The following ANKS1B variants were observed in gnomAD, a reference collection of about 807,000 sequenced individuals.
The protein encoded by ANKS1B is ankyrin repeat and sterile alpha motif domain-containing protein 1B.
ANKS1B carries 36 observed loss-of-function variants against 148.3 expected under a neutral mutation model. The ratio of observed to expected loss-of-function variants is 0.24; its 90% CI spans 0.19 to 0.32. The LOEUF is 0.32. ANKS1B is among the 10% of genes least tolerant of loss of function. The pLI is 1.00. For missense variants in ANKS1B, 1,157 were observed against 1,542.6 expected (o/e 0.75, Z 4.19); for synonymous variants, 542 against 560.8 (o/e 0.97, Z 0.47).
chr12:99,839,508 C>T (rs1455565275), intron 1 of ANKS1B, among the ~76,000 whole-genome samples: 1 of 152,092 alleles, frequency 6.6e-6, no homozygotes, highest in Admixed American at 6.6e-5. Flanking sequence ...ACGCAATCCA[C>T]AGAAGGTACT....
chr12:99,377,639 G>T (rs559418052), intron 12 of ANKS1B, among the ~76,000 whole-genome samples: 1 of 152,270 alleles, frequency 6.6e-6, no homozygotes, highest in South Asian at 2.1e-4. Flanking sequence ...TTAGACAAAA[G>T]CAAATTTTTA....
chr12:99,293,634 TC>T (rs899107904), intron 12 of ANKS1B, among the ~76,000 whole-genome samples: 6 of 152,172 alleles, frequency 3.9e-5, no homozygotes, highest in Admixed American at 3.3e-4. Context: ...TTGAGTAATA[TC>T]CCATGTGCAC....
At chr12:99,854,112 C>T (rs1446016164) in intron 1 of ANKS1B, among the ~76,000 whole-genome samples, 2 of 152,126 alleles carry the variant, frequency 1.3e-5, no homozygotes, top group Non-Finnish European at 2.9e-5. Context: ...CCTGGGTTCA[C>T]GCCATTCTCC....
intron 12 of ANKS1B, among the ~76,000 whole-genome samples, chr12:99,349,077 A>C (rs185199894): frequency 1.3e-5 from 2 of 152,046 alleles, no homozygotes; most frequent in East Asian, 3.9e-4. Context: ...AGAGTTTTAT[A>C]TACTATTGAA....
At chr12:99,421,361 G>T (rs779276564) in intron 11 of ANKS1B, among the ~76,000 whole-genome samples, 12 of 152,142 alleles carry the variant, frequency 7.9e-5, no homozygotes, top group Non-Finnish European at 1.6e-4. Flanking sequence ...TTTTATCAGT[G>T]TTTAAGAGAG....
intron 8 of ANKS1B, among the ~76,000 whole-genome samples, chr12:99,763,355 G>A (rs924888027): frequency 6.6e-6 from 1 of 152,262 alleles, no homozygotes; most frequent in Non-Finnish European, 1.5e-5. Flanking sequence ...ATGGATGCAG[G>A]TGGAGGCCAT....
intron 8 of ANKS1B, among the ~76,000 whole-genome samples, chr12:99,718,291 C>A (rs1475340347): frequency 6.6e-6 from 1 of 152,172 alleles, no homozygotes; most frequent in Admixed American, 6.5e-5. Context: ...ATCTGCTTCC[C>A]TGACTATTCC....
chr12:99,813,463 A>C (rs929267610), intron 2 of ANKS1B, among the ~76,000 whole-genome samples: 1 of 151,400 alleles, frequency 6.6e-6, no homozygotes, highest in African/African-American at 2.4e-5. Flanking sequence ...TGAACATAAC[A>C]GATTTACATT....
chr12:99,309,722 C>A (rs993320678), intron 12 of ANKS1B, among the ~76,000 whole-genome samples: 1 of 152,164 alleles, frequency 6.6e-6, no homozygotes. Context: ...TTGTTGAATA[C>A]TAACAACCTT....
rs373666202 is a variant in ANKS1B at position 99,289,766 on chromosome 12, A to C, written c.1757-42902T>G. On this transcript the variant is annotated intron_variant, in intron 12 of 26. Coordinates refer to ENST00000683438, the MANE Select transcript of ANKS1B (RefSeq NM_001352186.2). ...ATATCAAAATCTATGGGTTATAGTA[A>C]AAGCAGTACTAGAGAAAAGTTTCTA... 8.3e-4 allele frequency among the ~76,000 whole-genome samples: 127 copies of C among 152,116 alleles called. 4 individuals carry two copies. The South Asian group carries it at 0.022, about 26-fold the overall frequency.
chr12:99,852,773 G>A (rs1388521805), intron 1 of ANKS1B, among the ~76,000 whole-genome samples: 1 of 152,236 alleles, frequency 6.6e-6, no homozygotes, highest in Non-Finnish European at 1.5e-5. Context: ...CAGAGGAACT[G>A]TAAGTCTACT....
At chr12:98,982,151 A>G (rs1381846802) in intron 17 of ANKS1B, among the ~76,000 whole-genome samples, 1 of 152,258 alleles carries the variant, frequency 6.6e-6, no homozygotes, top group Non-Finnish European at 1.5e-5. Context: ...TTTTTATTAA[A>G]TGCTTATTAG....
At chr12:99,698,824 G>T (rs1424851769) in intron 8 of ANKS1B, among the ~76,000 whole-genome samples, 1 of 151,820 alleles carries the variant, frequency 6.6e-6, no homozygotes, top group Non-Finnish European at 1.5e-5. Context: ...AATTACCATC[G>T]ATTTCTCTCC....
intron 10 of ANKS1B, among the ~76,000 whole-genome samples, chr12:99,482,450 G>A (rs1339978360): frequency 6.6e-6 from 1 of 151,984 alleles, no homozygotes; most frequent in African/African-American, 2.4e-5. Context: ...ATAATTTGAA[G>A]TCTGGTAATG....
intron 17 of ANKS1B, among the ~76,000 whole-genome samples, chr12:99,001,546 T>C (rs970334202): frequency 4.1e-4 from 62 of 151,172 alleles, no homozygotes; most frequent in African/African-American, 1.5e-3. Context: ...TTGACAAAAA[T>C]TGTATATATT....
intron 9 of ANKS1B, among the ~76,000 whole-genome samples, chr12:99,618,448 A>G (rs1284634995): frequency 6.6e-6 from 1 of 152,078 alleles, no homozygotes; most frequent in Non-Finnish European, 1.5e-5. Flanking sequence ...ATAAAAATCA[A>G]CTCTGGGGAC....
chr12:98,857,712 A>C (rs1449195088), intron 17 of ANKS1B, among the ~76,000 whole-genome samples: 1 of 152,184 alleles, frequency 6.6e-6, no homozygotes, highest in African/African-American at 2.4e-5. Context: ...CATTAAAATG[A>C]ATATTTCAAG....
chr12:99,650,551 C>T (rs1176572991), intron 9 of ANKS1B, among the ~76,000 whole-genome samples: 1 of 152,140 alleles, frequency 6.6e-6, no homozygotes, highest in East Asian at 1.9e-4. Context: ...AACTGCTTTG[C>T]AATTGTCCCA....
chr12:99,242,540 T>C (rs752100992), intron 14 of ANKS1B, among the ~76,000 whole-genome samples: 5 of 152,122 alleles, frequency 3.3e-5, no homozygotes, highest in Non-Finnish European at 7.4e-5. Flanking sequence ...TTGGAAAAAC[T>C]ACTTTACAAT....
Sources: gnomAD v4.1 joint callset for allele counts (sites outside exome capture counted in the v4.1 genomes callset) on GRCh38, gnomAD v4.1.1 for gene constraint, MANE v1.5 for transcripts, NCBI Gene and HGNC (gene_info 2026-07-23, HGNC 2026-07-21) for gene names.